CCDC88A: variants seen among roughly 807,000 people sequenced by gnomAD.
CCDC88A encodes the protein girdin.
A neutral mutation model predicts 234.3 loss-of-function variants in CCDC88A; 54 were observed. The observed-to-expected ratio is 0.23, with a 90% confidence interval of 0.19 to 0.29. The LOEUF (loss-of-function observed/expected upper bound fraction) is 0.29. Ranked by LOEUF, CCDC88A falls within the 10% of genes least tolerant of loss-of-function variation. The pLI, the probability that CCDC88A is intolerant of heterozygous loss-of-function variation, is 1.00. For missense variants in CCDC88A, 1,832 were observed against 2,123.4 expected (o/e 0.86, Z 2.70); for synonymous variants, 753 against 737.8 (o/e 1.02, Z -0.33).
chr2:55,369,427 T>C (rs1238424026), intron 5 of CCDC88A, among the ~76,000 whole-genome samples: 3 of 148,164 alleles, frequency 2.0e-5, no homozygotes, highest in African/African-American at 7.5e-5. Context: ...CTCATCCCCA[T>C]GAATCCTACG....
chr2:55,413,896 G>A (rs1260210214), intron 2 of CCDC88A, among the ~76,000 whole-genome samples: 2 of 151,880 alleles, frequency 1.3e-5, no homozygotes, highest in African/African-American at 2.4e-5. Context: ...AGGCTGCAGT[G>A]AGCGGTGATC....
intron 12 of CCDC88A, 68 bp from the exon 13 acceptor site, chr2:55,339,716 T>C (rs1668242000): frequency 1.4e-6 from 2 of 1,386,730 alleles, no homozygotes. Flanking sequence ...CTCTTTACTA[T>C]TTAAAAAGTT....
chr2:55,388,375 G>T (rs1473646239), intron 3 of CCDC88A, among the ~76,000 whole-genome samples: 2 of 151,712 alleles, frequency 1.3e-5, no homozygotes, highest in Admixed American at 6.6e-5. Context: ...TAGCAATTTT[G>T]AGAGGTATAT....
At chr2:55,369,770 C>T (rs1217585673) in intron 5 of CCDC88A, among the ~76,000 whole-genome samples, 1 of 152,096 alleles carries the variant, frequency 6.6e-6, no homozygotes, top group African/African-American at 2.4e-5. Flanking sequence ...CATCTTTGCT[C>T]TCATTTCAAA....
At chr2:55,363,763 A>C (rs1671617827) in intron 6 of CCDC88A, 187 bp downstream of exon 6, 4 of 464,396 alleles carry the variant, frequency 8.6e-6, no homozygotes, top group Non-Finnish European at 1.5e-5. Context: ...GTATATTTGT[A>C]GTTAACAGTG....
chr2:55,398,274 T>C (rs1397074655), intron 2 of CCDC88A, among the ~76,000 whole-genome samples: 10 of 152,188 alleles, frequency 6.6e-5, no homozygotes, highest in Non-Finnish European at 1.5e-4. Flanking sequence ...CAAACCTCTA[T>C]CTGTAACTTC....
rs376327226 is a variant in CCDC88A at position 55,328,467 on chromosome 2, T to C, written c.2856-32A>G. On this transcript the variant is annotated intron_variant, in intron 16 of 32. Coordinates refer to ENST00000436346, the MANE Select transcript of CCDC88A (RefSeq NM_001365480.1). The surrounding 1 kb of genome is among the most constrained non-coding windows in gnomAD (Gnocchi z 4.3). ...AAGTACAAAGTAATGTAGTTCATTA[T>C]TGGAGGTCAGAAAATTATTTTTAAA... 1.1e-4 allele frequency: 159 copies of C among 1,427,182 alleles called. No individual in the cohort carries two copies. The highest frequency in any genetic ancestry group is 3.7e-4 in the African/African-American group (25 of 67,356). The allele number at this position is 1,427,182 out of a possible 1,614,324, so 88.4% of individuals were successfully genotyped here. A position where few individuals can be genotyped will look rare whatever the true frequency, so the allele number is the denominator to read the frequency against.
intron 23 of CCDC88A, among the ~76,000 whole-genome samples, chr2:55,311,553 A>G (rs1171604256): frequency 6.6e-6 from 1 of 152,240 alleles, no homozygotes; most frequent in Admixed American, 6.5e-5. Context: ...GAAGAAACTA[A>G]TGATCAAAGA....
chr2:55,380,053 G>C (rs1036793599), intron 3 of CCDC88A, among the ~76,000 whole-genome samples: 35 of 106,336 alleles, frequency 3.3e-4, no homozygotes, highest in Admixed American at 1.1e-3. Flanking sequence ...GCAAAGCCCT[G>C]TCTCTACTAA....
rs1276223476 is a variant in CCDC88A, at chr2:55,419,832, C to T, written c.-753G>A. ...CACCGCCGCGCTCCAGCCTTCTCCG[C>T]CCTCTATGGAGAAGCCGGAGTAACG... On this transcript the variant is annotated 5_prime_UTR_variant, in exon 1 of 33. Coordinates refer to ENST00000436346, the MANE Select transcript of CCDC88A (RefSeq NM_001365480.1). 2 of 152,428 alleles carry T rather than the reference C, an allele frequency of 1.3e-5. No homozygotes were observed. Among genetic ancestry groups the T allele is most frequent in the African/African-American group, 2.4e-5 (1 of 41,446 alleles). The allele number at this position is 152,428 out of a possible 1,614,324, so 9.4% of individuals were successfully genotyped here.
chr2:55,379,081 A>C (rs1674166876), intron 3 of CCDC88A, among the ~76,000 whole-genome samples: 1 of 152,102 alleles, frequency 6.6e-6, no homozygotes, highest in Non-Finnish European at 1.5e-5. Flanking sequence ...AAGTCTTTTT[A>C]TTTCCCCATT....
At chr2:55,405,109 C>T (rs902602220) in intron 2 of CCDC88A, 1 of 152,206 alleles carries the variant, frequency 6.6e-6, no homozygotes, top group East Asian at 1.9e-4. Context: ...CAACTTGGTT[C>T]CTCCACTAAG....
chr2:55,394,803 T>C (rs186571611), intron 2 of CCDC88A, among the ~76,000 whole-genome samples: 459 of 119,854 alleles, frequency 3.8e-3, no homozygotes, highest in African/African-American at 0.014. Flanking sequence ...AAACTTAAAG[T>C]ATAATAATAA....
chr2:55,391,989 T>C (rs536408201), intron 2 of CCDC88A, among the ~76,000 whole-genome samples: 2 of 152,304 alleles, frequency 1.3e-5, no homozygotes, highest in East Asian at 3.9e-4. Flanking sequence ...AACTAGACAT[T>C]TTAGAAGGGT....
rs917864504 is a variant in CCDC88A at position 55,335,978 on chromosome 2, A to G, written c.1656+703T>C. ...GAGGCTGAGGCAGGAATATCACTTC[A>G]GCTCAGGGGTTTGAGACCAGCCTGG... On this transcript the variant is annotated intron_variant, in intron 14 of 32. Transcript: ENST00000436346. This position sits in a 1 kb window ranked among gnomAD's most constrained non-coding sequence, Gnocchi z 4.5. Among the ~76,000 whole-genome samples, 4 of 152,066 alleles carry G rather than the reference A, an allele frequency of 2.6e-5. No individual in the cohort carries two copies. Among genetic ancestry groups the G allele is most frequent in the Admixed American group, 1.3e-4 (2 of 15,252 alleles).
Position 55,354,809 on chromosome 2 carries a change from C to T in CCDC88A, c.800+770G>A, listed in dbSNP as rs549755009. On this transcript the variant is annotated intron_variant, in intron 8 of 32. Transcript: ENST00000436346. ...CTTGAACTCCTGACCTCAGGCAATC[C>T]GCCCGCCTCAGCCTCCCAAAGTGCT... Among the ~76,000 whole-genome samples, 9 of 151,992 alleles carry T rather than the reference C, an allele frequency of 5.9e-5. No individual in the cohort carries two copies. The South Asian group carries it at 6.2e-4, about 11-fold the overall frequency.
chr2:55,297,335 TA>T (rs1348358209), intron 29 of CCDC88A, among the ~76,000 whole-genome samples: 1 of 50,646 alleles, frequency 2.0e-5, no homozygotes, highest in African/African-American at 6.6e-5. Flanking sequence ...ATATAATATA[TA>T]AATTTATATA....
chr2:55,375,538 T>TA (rs1385466861), intron 3 of CCDC88A, among the ~76,000 whole-genome samples: 1 of 143,198 alleles, frequency 7.0e-6, no homozygotes, highest in Non-Finnish European at 1.5e-5. Context: ...TATGTTGGGT[T>TA]TTTTTTTGAG....
At chr2:55,329,340 A>G (rs1286115102) in intron 16 of CCDC88A, 1 of 152,230 alleles carries the variant, frequency 6.6e-6, no homozygotes, top group Non-Finnish European at 1.5e-5. Context: ...CACTAAATAA[A>G]AACCTAAAGT....
Sources: gnomAD v4.1 joint callset for allele counts (sites outside exome capture counted in the v4.1 genomes callset) on GRCh38, gnomAD v4.1.1 for gene constraint, Gnocchi (gnomAD v3.1) non-coding constraint, MANE v1.5 for transcripts, NCBI Gene and HGNC (gene_info 2026-07-23, HGNC 2026-07-21) for gene names.